The following DCTD variants were observed in gnomAD, a reference collection of about 807,000 sequenced individuals.
DCTD encodes the protein dCMP deaminase.
A neutral mutation model predicts 21.0 loss-of-function variants in DCTD; 23 were observed. The observed-to-expected ratio is 1.09, with a 90% CI of 0.79 to 1.55. DCTD has a LOEUF of 1.55. DCTD is among the 40% of genes most tolerant of loss of function. DCTD has a pLI of 0.00. For missense variants in DCTD, 224 were observed against 230.0 expected (o/e 0.97, Z 0.17); for synonymous variants, 71 against 81.1 (o/e 0.88, Z 0.67).
chr4:182,894,006 G>A (rs1372789663), intron 4 of DCTD, among the ~76,000 whole-genome samples: 7 of 151,996 alleles, frequency 4.6e-5, no homozygotes, highest in African/African-American at 1.2e-4. Flanking sequence ...TATGGGAACC[G>A]TAAAATAAGA....
At chr4:182,914,004 G>T (rs1349904833) in intron 3 of DCTD, among the ~76,000 whole-genome samples, 1 of 140,722 alleles carries the variant, frequency 7.1e-6, no homozygotes, top group Non-Finnish European at 1.7e-5. Flanking sequence ...TTTTTTGTTT[G>T]TTTGTTTTTG....
At chr4:182,915,163 A>G (rs1738493863) in intron 2 of DCTD, 105 bp from the exon 3 acceptor site, 2 of 1,422,596 alleles carry the variant, frequency 1.4e-6, no homozygotes, top group South Asian at 2.5e-5. Flanking sequence ...AAACAGACGC[A>G]TAGCTGCTGC....
At chr4:182,908,698 A>C (rs1737159906) in intron 3 of DCTD, among the ~76,000 whole-genome samples, 1 of 150,384 alleles carries the variant, frequency 6.6e-6, no homozygotes, top group African/African-American at 2.4e-5. Flanking sequence ...AAAAAAAAAA[A>C]AAAAAAAGAA....
chr4:182,902,745 G>A (rs886286606), intron 3 of DCTD, among the ~76,000 whole-genome samples: 4 of 152,232 alleles, frequency 2.6e-5, no homozygotes, highest in African/African-American at 7.2e-5. Context: ...TGTGGGCTGC[G>A]GGATGGAGGT....
At position 182,917,169 on chromosome 4, in the gene DCTD, C is replaced by T. The variant is rs1329378252; in HGVS notation, c.-8+142G>A. On this transcript the variant is annotated intron_variant, in intron 1 of 5. Coordinates refer to ENST00000438320, the MANE Select transcript of DCTD (RefSeq NM_001921.3). The surrounding 1 kb of genome is among the most constrained non-coding windows in gnomAD (Gnocchi z 4.9). The stretch of plus-strand genomic sequence containing the variant: ...CGCATTCTCCGATCTAAAGGCTGAG[C>T]GCGGCCGAGGCGCCCCCAGCGTCCG... 2 of 989,372 alleles carry T rather than the reference C, an allele frequency of 2.0e-6. No homozygotes were observed. Among genetic ancestry groups the T allele is most frequent in the Non-Finnish European group, 2.4e-6 (2 of 833,036 alleles). 61.3% of individuals were successfully genotyped at this position (989,372 alleles called of 1,614,324 possible).
chr4:182,891,063 G>A lies in DCTD; in HGVS notation c.*336C>T, dbSNP rs1164421305. On this transcript the variant is annotated 3_prime_UTR_variant, in exon 6 of 6. Coordinates refer to ENST00000438320, the MANE Select transcript of DCTD (RefSeq NM_001921.3). ...CATGTAGCAGTGAAGAGAGGCTGCC[G>A]GATCGCAGCAGATGACAGACAGCTG... 3 of 241,278 alleles carry A rather than the reference G, an allele frequency of 1.2e-5. No individual in the cohort carries two copies. The highest frequency in any genetic ancestry group is 1.0e-4 in the Admixed American group (2 of 19,836). 14.9% of individuals were successfully genotyped at this position (241,278 alleles called of 1,614,324 possible).
intron 4 of DCTD, among the ~76,000 whole-genome samples, chr4:182,894,146 C>G (rs974245204): frequency 6.6e-6 from 1 of 152,214 alleles, no homozygotes; most frequent in Non-Finnish European, 1.5e-5. Flanking sequence ...GACCTTGTTT[C>G]TGACAGAAGT....
rs1316592145 is a variant in DCTD at position 182,890,923 on chromosome 4, A to C, written c.*476T>G. The C allele has an allele frequency of 6.5e-6, 1 of 153,958 alleles. No individual in the cohort carries two copies. Among genetic ancestry groups the C allele is most frequent in the East Asian group, 1.9e-4 (1 of 5,258 alleles). The allele number at this position is 153,958 out of a possible 1,614,324, so 9.5% of individuals were successfully genotyped here. A position where few individuals can be genotyped will look rare whatever the true frequency, so the allele number is the denominator to read the frequency against. On this transcript the variant is annotated 3_prime_UTR_variant, in exon 6 of 6. Coordinates refer to ENST00000438320, the MANE Select transcript of DCTD (RefSeq NM_001921.3). ...CAATGCTACTGTCATTTGAGGCCTA[A>C]TTTTCTTCCAAGGGCACTATATGCC...
intron 3 of DCTD, among the ~76,000 whole-genome samples, chr4:182,907,390 G>C (rs933578927): frequency 2.0e-5 from 3 of 152,100 alleles, no homozygotes; most frequent in African/African-American, 7.2e-5. Context: ...CACCTGCCTC[G>C]GCTTCCCAAC....
intron 3 of DCTD, among the ~76,000 whole-genome samples, chr4:182,899,040 C>G (rs1735241570): frequency 6.6e-6 from 1 of 152,128 alleles, no homozygotes; most frequent in Non-Finnish European, 1.5e-5. Flanking sequence ...ATATATCTGC[C>G]AATTTCCGTG....
In DCTD at chr4:182,893,819, C is replaced by T. The variant is rs552605095; in HGVS notation, c.361+670G>A. 2.6e-5 allele frequency among the ~76,000 whole-genome samples: 4 copies of T among 152,372 alleles called. No individual in the cohort carries two copies. In the South Asian group the frequency reaches 8.3e-4, roughly 32 times the overall value. On this transcript the variant is annotated intron_variant, in intron 4 of 5. Transcript: ENST00000438320. The stretch of plus-strand genomic sequence containing the variant: ...GCGACTCCTCAGTACCAGCAGGCCG[C>T]TTCTGCTCTGAGATCCACAGGACTG...
At chr4:182,899,473 C>CTGCAACCTCTGCCTACCAGT (rs1425996015) in intron 3 of DCTD, among the ~76,000 whole-genome samples, 5 of 150,852 alleles carry the variant, frequency 3.3e-5, no homozygotes, top group African/African-American at 1.2e-4. Context: ...TCTCGGCTCA[C>CTGCAACCTCTGCCTACCAGT]TGCAACCTCT....
intron 3 of DCTD, among the ~76,000 whole-genome samples, chr4:182,907,928 G>A (rs969727162): frequency 3.3e-5 from 5 of 152,016 alleles, no homozygotes; most frequent in African/African-American, 7.2e-5. Flanking sequence ...GGCTCCTTAC[G>A]GCGGCTCCAG....
Position 182,890,161 on chromosome 4 carries a change from G to T in DCTD, c.*1238C>A, listed in dbSNP as rs910698365. 1.3e-5 allele frequency: 2 copies of T among 152,052 alleles called. No homozygotes were observed. Among genetic ancestry groups the T allele is most frequent in the African/African-American group, 4.8e-5 (2 of 41,384 alleles). The allele number at this position is 152,052 out of a possible 1,614,324, so 9.4% of individuals were successfully genotyped here. A position where few individuals can be genotyped will look rare whatever the true frequency, so the allele number is the denominator to read the frequency against. ...AGGAGCCAAATTACAGAATACCCTA[G>T]AATGTGGAATACAAAATCTCAGAGA... On this transcript the variant is annotated 3_prime_UTR_variant, in exon 6 of 6. Coordinates refer to ENST00000438320, the MANE Select transcript of DCTD (RefSeq NM_001921.3).
chr4:182,893,909 G>A (rs538491035), intron 4 of DCTD, among the ~76,000 whole-genome samples: 59 of 152,348 alleles, frequency 3.9e-4, no homozygotes, highest in Admixed American at 3.2e-3. Context: ...ATCTCCAGCC[G>A]AGAGTTTTAT....
rs189878902 is a variant in DCTD, at chr4:182,910,514, C to T, written c.244+4409G>A. ...AAAATGTCAACTGAATACTTCATCA[C>T]AGGTTTAGCAACCCACCCCCTCATG... On this transcript the variant is annotated intron_variant, in intron 3 of 5. Coordinates refer to ENST00000438320, the MANE Select transcript of DCTD (RefSeq NM_001921.3). 3.5e-3 allele frequency among the ~76,000 whole-genome samples: 537 copies of T among 152,288 alleles called. 12 individuals are homozygous for T. Among genetic ancestry groups the T allele is most frequent in the South Asian group, 2.7e-3 (13 of 4,820 alleles).
chr4:182,903,990 C>T (rs1302346436), intron 3 of DCTD, among the ~76,000 whole-genome samples: 1 of 152,220 alleles, frequency 6.6e-6, no homozygotes, highest in East Asian at 1.9e-4. Context: ...TCCTCTCCCA[C>T]GTGTGCCCAC....
At chr4:182,906,342 T>A (rs988237353) in intron 3 of DCTD, among the ~76,000 whole-genome samples, 1 of 152,126 alleles carries the variant, frequency 6.6e-6, no homozygotes, top group Non-Finnish European at 1.5e-5. Context: ...TATCTGTTTG[T>A]TTCATTAATG....
rs1241952855 is a variant in DCTD, at chr4:182,890,268, G to C, written c.*1131C>G. The C allele has an allele frequency of 6.6e-6, 1 of 152,176 alleles. No homozygotes were observed. Among genetic ancestry groups the C allele is most frequent in the South Asian group, 2.1e-4 (1 of 4,824 alleles). 9.4% of individuals were successfully genotyped at this position (152,176 alleles called of 1,614,324 possible). A position where few individuals can be genotyped will look rare whatever the true frequency, so the allele number is the denominator to read the frequency against. ...ATAAAGAAAGCCTTTTCTCAACACA[G>C]GTACTGAGCATGTTTAATAAAAATT... On this transcript the variant is annotated 3_prime_UTR_variant, in exon 6 of 6. Transcript: ENST00000438320.
Sources: allele counts gnomAD v4.1 joint callset (sites outside exome capture counted in the v4.1 genomes callset), GRCh38; gene constraint gnomAD v4.1.1; non-coding constraint Gnocchi (gnomAD v3.1); transcripts MANE v1.5; gene names NCBI Gene and HGNC (gene_info 2026-07-23, HGNC 2026-07-21).